GRID2: variants seen among roughly 807,000 people sequenced by gnomAD.
GRID2 encodes the protein glutamate ionotropic receptor delta type subunit 2.
Under a neutral mutation model 114.8 loss-of-function variants are expected in GRID2, and 33 were observed. The ratio of observed to expected loss-of-function variants is 0.29; its 90% CI spans 0.22 to 0.38. The LOEUF (loss-of-function observed/expected upper bound fraction) is 0.38, where lower values mean the gene tolerates loss of function less well. GRID2 is among the 10% of genes least tolerant of loss of function. GRID2 has a pLI of 1.00. For synonymous variants in GRID2, 505 were observed against 449.9 expected (o/e 1.12, Z -1.55); for missense variants, 1,184 against 1,257.7 (o/e 0.94, Z 0.89).
chr4:92,897,442 AAGTT>A (rs1350650819), intron 2 of GRID2, among the ~76,000 whole-genome samples: 4 of 152,182 alleles, frequency 2.6e-5, no homozygotes, highest in African/African-American at 4.8e-5. Context: ...AAAAAAAAGT[AAGTT>A]AGAATGAATG....
intron 5 of GRID2, among the ~76,000 whole-genome samples, chr4:93,215,789 T>C (rs542535269): frequency 3.9e-5 from 6 of 151,970 alleles, no homozygotes; most frequent in African/African-American, 1.4e-4. Flanking sequence ...TTTCTTTCAT[T>C]TTTTTTGTAA....
At chr4:92,475,383 G>T (rs1722254933) in intron 1 of GRID2, among the ~76,000 whole-genome samples, 1 of 151,052 alleles carries the variant, frequency 6.6e-6, no homozygotes, top group Non-Finnish European at 1.5e-5. Context: ...TCAGTCTTCT[G>T]CTTGTGGGTT....
At chr4:92,524,112 G>A (rs941210031) in intron 1 of GRID2, among the ~76,000 whole-genome samples, 7 of 151,980 alleles carry the variant, frequency 4.6e-5, no homozygotes, top group African/African-American at 9.7e-5. Context: ...TTTTGACCAC[G>A]AACTTTTTGA....
At chr4:93,465,981 G>C (rs1407966289) in intron 11 of GRID2, among the ~76,000 whole-genome samples, 6 of 152,168 alleles carry the variant, frequency 3.9e-5, no homozygotes, top group Admixed American at 2.0e-4. Flanking sequence ...GGAATTATAA[G>C]TTGTGATTCA....
At chr4:93,768,164 C>T (rs997952574) in intron 14 of GRID2, among the ~76,000 whole-genome samples, 3 of 152,176 alleles carry the variant, frequency 2.0e-5, no homozygotes, top group Admixed American at 1.3e-4. Context: ...ATGGTGCACC[C>T]GTGGCTGTAA....
intron 14 of GRID2, among the ~76,000 whole-genome samples, chr4:93,639,746 T>G (rs1454831804): frequency 1.3e-4 from 1 of 7,808 alleles, no homozygotes; most frequent in Non-Finnish European, 2.0e-4. Context: ...GGTAGTGTGA[T>G]GCCTCCAGCT....
Position 92,658,818 on chromosome 4 carries a change from T to TAC in GRID2, c.244+68542_244+68543dup, listed in dbSNP as rs1553913516. On this transcript the variant is annotated intron_variant, in intron 2 of 15. Coordinates refer to ENST00000282020, the MANE Select transcript of GRID2 (RefSeq NM_001510.4). ...GTATATATATATATATATATATATA[T>TAC]ACACACACACAATCACATTCATTGT... Among the ~76,000 whole-genome samples the TAC allele has an allele frequency of 7.6e-3, 461 of 60,450 alleles. 7 individuals carry two copies. Among genetic ancestry groups the TAC allele is most frequent in the African/African-American group, 0.02 (420 of 20,620 alleles). The allele number at this position is 60,450 out of a possible 152,430, so 39.7% of individuals were successfully genotyped here.
chr4:92,736,317 C>G (rs1453590477), intron 2 of GRID2, among the ~76,000 whole-genome samples: 40 of 152,048 alleles, frequency 2.6e-4, no homozygotes, highest in Non-Finnish European at 2.9e-5. Context: ...TCTAGAACCT[C>G]CAGAAGAAAT....
At chr4:92,550,941 G>A (rs749055107) in intron 1 of GRID2, among the ~76,000 whole-genome samples, 1 of 152,054 alleles carries the variant, frequency 6.6e-6, no homozygotes, top group Non-Finnish European at 1.5e-5. Flanking sequence ...TGAAAAATCA[G>A]TCATAAATTG....
intron 8 of GRID2, among the ~76,000 whole-genome samples, chr4:93,359,468 T>A (rs1761669334): frequency 6.6e-6 from 1 of 151,728 alleles, no homozygotes; most frequent in African/African-American, 2.4e-5. Context: ...AAATATGCAA[T>A]GAAATTATTA....
intron 1 of GRID2, among the ~76,000 whole-genome samples, chr4:92,332,677 A>C (rs1342233037): frequency 6.6e-6 from 1 of 152,230 alleles, no homozygotes; most frequent in Non-Finnish European, 1.5e-5. Context: ...TGAAATTAAC[A>C]AGTTATGTGC....
chr4:92,920,804 G>C (rs1028662445), intron 2 of GRID2, among the ~76,000 whole-genome samples: 4 of 151,980 alleles, frequency 2.6e-5, no homozygotes, highest in African/African-American at 4.8e-5. Context: ...TTTAATTTTG[G>C]TGAATCTGAC....
At chr4:93,022,301 T>A (rs1473736563) in intron 2 of GRID2, among the ~76,000 whole-genome samples, 1 of 151,984 alleles carries the variant, frequency 6.6e-6, no homozygotes, top group Non-Finnish European at 1.5e-5. Flanking sequence ...ATCAGCTCTT[T>A]TTTTTTAGGA....
chr4:93,483,024 C>T (rs981752278), intron 11 of GRID2, among the ~76,000 whole-genome samples: 4 of 151,938 alleles, frequency 2.6e-5, no homozygotes, highest in African/African-American at 9.7e-5. Context: ...AAACTTTAAG[C>T]AATACTTATA....
At chr4:92,716,682 C>T (rs1168530629) in intron 2 of GRID2, among the ~76,000 whole-genome samples, 1 of 152,174 alleles carries the variant, frequency 6.6e-6, no homozygotes, top group Non-Finnish European at 1.5e-5. Flanking sequence ...GACATTACAG[C>T]ATCACATAGG....
chr4:93,204,674 G>A (rs1742493227), intron 4 of GRID2, among the ~76,000 whole-genome samples: 1 of 152,062 alleles, frequency 6.6e-6, no homozygotes, highest in African/African-American at 2.4e-5. Flanking sequence ...AAGATGAAGA[G>A]CCATGGGTAA....
chr4:92,751,124 A>T (rs1440692339), intron 2 of GRID2, among the ~76,000 whole-genome samples: 1 of 152,172 alleles, frequency 6.6e-6, no homozygotes, highest in East Asian at 1.9e-4. Flanking sequence ...ATTAAGAAAA[A>T]AGCGTAAATA....
At chr4:92,454,443 C>T (rs1315641498) in intron 1 of GRID2, among the ~76,000 whole-genome samples, 1 of 152,050 alleles carries the variant, frequency 6.6e-6, no homozygotes, top group East Asian at 1.9e-4. Context: ...TCAAATGAAG[C>T]ATAAATATAA....
chr4:92,977,817 A>G (rs996412531), intron 2 of GRID2, among the ~76,000 whole-genome samples: 15 of 152,300 alleles, frequency 9.8e-5, no homozygotes, highest in Admixed American at 5.2e-4. Flanking sequence ...CCATATTTCT[A>G]GTCTGAGCAA....
Sources: allele counts gnomAD v4.1 joint callset (sites outside exome capture counted in the v4.1 genomes callset), GRCh38; gene constraint gnomAD v4.1.1; transcripts MANE v1.5; gene names NCBI Gene and HGNC (gene_info 2026-07-23, HGNC 2026-07-21).